PDE3B: variants seen among roughly 807,000 people sequenced by gnomAD.
The protein encoded by PDE3B is phosphodiesterase 3B.
A neutral mutation model predicts 116.8 loss-of-function variants in PDE3B; 66 were observed. That is an observed-to-expected ratio of 0.56 (90% confidence interval 0.46 to 0.69). PDE3B has a LOEUF of 0.69. Among genes scored for constraint, PDE3B ranks in the 30% least tolerant of loss-of-function variants. The pLI is 0.00. For synonymous variants in PDE3B, 595 were observed against 533.6 expected (o/e 1.12, Z -1.59); for missense variants, 1,384 against 1,368.1 (o/e 1.01, Z -0.18).
intron 7 of PDE3B, among the ~76,000 whole-genome samples, chr11:14,830,377 T>A (rs1294648482): frequency 1.3e-5 from 2 of 152,126 alleles, no homozygotes; most frequent in African/African-American, 4.8e-5. Flanking sequence ...ATGTTGGAAA[T>A]TGTTTATATC....
intron 2 of PDE3B, chr11:14,776,316 TCCCCACTGACAGACA>T (rs1403614107): frequency 6.6e-6 from 1 of 152,190 alleles, no homozygotes; most frequent in Non-Finnish European, 1.5e-5. Flanking sequence ...AGACTCCCCT[TCCCCACTGACAGACA>T]CTGGGTGGCC....
intron 1 of PDE3B, among the ~76,000 whole-genome samples, chr11:14,716,399 G>T (rs61883637): frequency 6.6e-6 from 1 of 150,460 alleles, no homozygotes; most frequent in East Asian, 2.0e-4. Flanking sequence ...CAGGAAGCTC[G>T]AACTGGGTGG....
At chr11:14,781,375 C>T (rs577222238) in intron 2 of PDE3B, among the ~76,000 whole-genome samples, 106 of 152,208 alleles carry the variant, frequency 7.0e-4, no homozygotes, top group African/African-American at 2.3e-3. Flanking sequence ...AATTTTAGAC[C>T]AGTATCCCTG....
the PDE3B span, chr11:14,878,295 T>C: frequency 6.2e-7 from 1 of 1,612,760 alleles, no homozygotes; most frequent in Non-Finnish European, 8.5e-7. Flanking sequence ...CAATGTCTTC[T>C]TCCTAAACAG....
At chr11:14,798,926 T>A (rs974852832) in intron 4 of PDE3B, among the ~76,000 whole-genome samples, 2 of 152,240 alleles carry the variant, frequency 1.3e-5, no homozygotes, top group Non-Finnish European at 1.5e-5. Context: ...CGTGTCTCTA[T>A]CTCCTTCAGT....
At chr11:14,892,083 C>CG in the PDE3B span, 1 of 1,611,666 alleles carries the variant, frequency 6.2e-7, no homozygotes, top group South Asian at 1.1e-5. Flanking sequence ...CCGGCGGCCC[C>CG]GGGGGGAAGC....
At chr11:14,697,680 A>G (rs1198205876) in intron 1 of PDE3B, among the ~76,000 whole-genome samples, 1 of 152,136 alleles carries the variant, frequency 6.6e-6, no homozygotes, top group African/African-American at 2.4e-5. Context: ...GAGGATTGGC[A>G]TCATAGCAAT....
At chr11:14,830,342 T>C (rs1859837615) in intron 7 of PDE3B, among the ~76,000 whole-genome samples, 1 of 152,148 alleles carries the variant, frequency 6.6e-6, no homozygotes, top group Non-Finnish European at 1.5e-5. Context: ...ATTATGATTT[T>C]AGAATTTTTA....
chr11:14,887,461 GT>G, the PDE3B span: 1 of 398,322 alleles, frequency 2.5e-6, no homozygotes, highest in Admixed American at 6.4e-5. Context: ...TTTGGTAAAG[GT>G]GTGTGACTCA....
intron 1 of PDE3B, among the ~76,000 whole-genome samples, chr11:14,667,635 C>G (rs1482825061): frequency 7.6e-5 from 11 of 145,344 alleles, no homozygotes; most frequent in South Asian, 6.6e-4. Context: ...GGGAATTGAA[C>G]AATGAGAACA....
At chr11:14,890,583 G>C in the PDE3B span, 2 of 263,336 alleles carry the variant, frequency 7.6e-6, no homozygotes, top group Non-Finnish European at 9.9e-6. Context: ...GTCTGGCTCT[G>C]TTGCCCAGGC....
intron 1 of PDE3B, among the ~76,000 whole-genome samples, chr11:14,687,322 G>A (rs1424944942): frequency 1.3e-5 from 2 of 151,942 alleles, no homozygotes; most frequent in East Asian, 1.9e-4. Context: ...AAACATTTAT[G>A]GTAAATTTAT....
intron 1 of PDE3B, among the ~76,000 whole-genome samples, chr11:14,672,092 G>A (rs915174760): frequency 2.0e-5 from 3 of 147,756 alleles, no homozygotes; most frequent in Non-Finnish European, 4.5e-5. Context: ...CCAGATACTA[G>A]TGTTAAAGTA....
chr11:14,884,758 A>G, the PDE3B span, among the ~76,000 whole-genome samples: 1 of 152,104 alleles, frequency 6.6e-6, no homozygotes, highest in Non-Finnish European at 1.5e-5. Context: ...AAAAATCTTA[A>G]GTTGAATGCT....
In PDE3B at chr11:14,734,190, G is replaced by A. The variant is rs534749750; in HGVS notation, c.979-37747G>A. On this transcript the variant is annotated intron_variant, in intron 1 of 15. Transcript: ENST00000282096. ...AGGCTCAAGTGATCCTCCCACTTCA[G>A]CCTCCTGAGTAGCTGTTACTACAGG... 1.1e-4 allele frequency among the ~76,000 whole-genome samples: 16 copies of A among 152,290 alleles called. No homozygotes were observed. In the East Asian group the frequency reaches 3.1e-3, roughly 29 times the overall value.
intron 1 of PDE3B, among the ~76,000 whole-genome samples, chr11:14,646,463 A>G (rs1431557719): frequency 1.3e-5 from 2 of 152,192 alleles, no homozygotes; most frequent in Non-Finnish European, 1.5e-5. Context: ...GATAATAGAT[A>G]GTACTTTAGG....
chr11:14,721,374 C>T (rs886445982), intron 1 of PDE3B, among the ~76,000 whole-genome samples: 8 of 151,432 alleles, frequency 5.3e-5, no homozygotes, highest in Non-Finnish European at 1.0e-4. Flanking sequence ...GGCGATTCCT[C>T]AGGGATCTAG....
At chr11:14,896,664 C>A in the PDE3B span, among the ~76,000 whole-genome samples, 2 of 152,178 alleles carry the variant, frequency 1.3e-5, no homozygotes, top group Non-Finnish European at 1.5e-5. Flanking sequence ...GGGACTCCCC[C>A]ATGATCGTGT....
the PDE3B span, chr11:14,880,341 T>G: frequency 1.2e-6 from 2 of 1,613,320 alleles, no homozygotes; most frequent in Non-Finnish European, 1.7e-6. Flanking sequence ...TTCTGTTGAC[T>G]GAAGCTTTTT....
Sources: gnomAD v4.1 joint callset for allele counts (sites outside exome capture counted in the v4.1 genomes callset) on GRCh38, gnomAD v4.1.1 for gene constraint, MANE v1.5 for transcripts, NCBI Gene and HGNC (gene_info 2026-07-23, HGNC 2026-07-21) for gene names.